The following IFT43 variants were observed in gnomAD, a reference collection of about 807,000 sequenced individuals.
IFT43 encodes intraflagellar transport 43.
In IFT43, 33 loss-of-function variants were observed where a neutral mutation model predicts 32.3. The ratio of observed to expected loss-of-function variants is 1.02; its 90% CI spans 0.77 to 1.37. IFT43 has a LOEUF of 1.37. Ranked by LOEUF, IFT43 falls within the 40% of genes most tolerant of loss-of-function variation. IFT43 has a pLI of 0.00. For synonymous variants in IFT43, 93 were observed against 98.2 expected (o/e 0.95, Z 0.31); for missense variants, 274 against 265.9 (o/e 1.03, Z -0.21).
intron 2 of IFT43, among the ~76,000 whole-genome samples, chr14:75,996,140 C>T (rs145274988): frequency 5.6e-4 from 85 of 152,328 alleles, no homozygotes; most frequent in African/African-American, 2.0e-3. Flanking sequence ...TAAGATTCTC[C>T]TCCTCGCCTA....
intron 3 of IFT43, among the ~76,000 whole-genome samples, chr14:76,045,673 A>G (rs2036794842): frequency 6.6e-6 from 1 of 152,142 alleles, no homozygotes; most frequent in South Asian, 2.1e-4. Flanking sequence ...TGGTTGTGGG[A>G]TGGCTGCTAT....
intron 2 of IFT43, among the ~76,000 whole-genome samples, chr14:76,005,358 A>T (rs2035961975): frequency 6.6e-6 from 1 of 152,002 alleles, no homozygotes; most frequent in Non-Finnish European, 1.5e-5. Flanking sequence ...CATGGTCTTT[A>T]CTCCTCAGAT....
intron 3 of IFT43, among the ~76,000 whole-genome samples, chr14:76,026,221 A>G (rs1170571735): frequency 5.3e-5 from 8 of 152,324 alleles, no homozygotes; most frequent in East Asian, 1.9e-4. Flanking sequence ...CAAAACCACA[A>G]TGAGATACCA....
At chr14:76,010,942 G>A (rs1157428846) in intron 2 of IFT43, among the ~76,000 whole-genome samples, 1 of 147,382 alleles carries the variant, frequency 6.8e-6, no homozygotes, top group Non-Finnish European at 1.5e-5. Flanking sequence ...TCACTCTGTT[G>A]CCCAGGCTGG....
At position 76,059,312 on chromosome 14, in the gene IFT43, C is replaced by CT; in HGVS notation, c.249-9dup. ...ACTCATTTTTTGCTGTCCTTTTCTTCTTTTTTGGGGGCAGTTTCCGCCTCA... is the reference window on the plus strand; with the variant it reads ...ACTCATTTTTTGCTGTCCTTTTCTTCTTTTTTTGGGGGCAGTTTCCGCCTCA... On this transcript the variant is annotated splice_polypyrimidine_tract_variant and intron_variant, in intron 4 of 8. Coordinates refer to ENST00000314067, the MANE Select transcript of IFT43 (RefSeq NM_001102564.3). 1 of 1,613,952 alleles carries CT rather than the reference C, an allele frequency of 6.2e-7. No individual in the cohort carries two copies. Among genetic ancestry groups the CT allele is most frequent in the East Asian group, 2.2e-5 (1 of 44,880 alleles).
intron 2 of IFT43, among the ~76,000 whole-genome samples, chr14:76,004,115 T>G (rs1413437755): frequency 6.6e-6 from 1 of 152,176 alleles, no homozygotes; most frequent in Non-Finnish European, 1.5e-5. Flanking sequence ...CACTGAGAGA[T>G]ATTCTGCCTT....
chr14:76,069,847 G>A (rs1203718310), intron 5 of IFT43, among the ~76,000 whole-genome samples: 3 of 152,174 alleles, frequency 2.0e-5, no homozygotes, highest in African/African-American at 2.4e-5. Context: ...CCAGCTCTCA[G>A]GCACCTGGGC....
At position 75,994,365 on chromosome 14, in the gene IFT43, G is replaced by A. The variant is rs541574620; in HGVS notation, c.147+5388G>A. Among the ~76,000 whole-genome samples the A allele has an allele frequency of 1.2e-4, 19 of 152,250 alleles. No individual in the cohort carries two copies. In the South Asian group the frequency reaches 3.5e-3, roughly 28 times the overall value. ...TTCCTGCTCTGAGAGAAGAGGAAAAGTCTCTTTATTTGCTTGGTCATTCGA... is the reference window on the plus strand; with the variant it reads ...TTCCTGCTCTGAGAGAAGAGGAAAAATCTCTTTATTTGCTTGGTCATTCGA... On this transcript the variant is annotated intron_variant, in intron 2 of 8. Coordinates refer to ENST00000314067, the MANE Select transcript of IFT43 (RefSeq NM_001102564.3).
chr14:76,035,467 T>A (rs2036582123), intron 3 of IFT43, among the ~76,000 whole-genome samples: 1 of 152,146 alleles, frequency 6.6e-6, no homozygotes, highest in Admixed American at 6.6e-5. Context: ...CTCTCTCTCT[T>A]TTTTAATGGC....
intron 3 of IFT43, among the ~76,000 whole-genome samples, chr14:76,040,750 C>T (rs1198075248): frequency 1.3e-5 from 2 of 152,214 alleles, no homozygotes; most frequent in Non-Finnish European, 2.9e-5. Flanking sequence ...CATTTGGATA[C>T]TTTGCTTCCC....
rs961064358 is a variant in IFT43 at position 76,073,950 on chromosome 14, C to T, written c.296-8345C>T. Among the ~76,000 whole-genome samples, 3 of 152,164 alleles carry T rather than the reference C, an allele frequency of 2.0e-5. No homozygotes were observed. The South Asian group carries it at 6.2e-4, about 32-fold the overall frequency. The stretch of plus-strand genomic sequence containing the variant: ...AAATTCGATTCCGAGTGGCTGTGAT[C>T]AAAACCAGCTGGCTGTCACCAGCAG... On this transcript the variant is annotated intron_variant, in intron 5 of 8. Transcript: ENST00000314067.
At chr14:76,002,922 A>G (rs1391945328) in intron 2 of IFT43, among the ~76,000 whole-genome samples, 1 of 152,234 alleles carries the variant, frequency 6.6e-6, no homozygotes, top group Non-Finnish European at 1.5e-5. Context: ...GGAGATGTAG[A>G]GAGTGTGCTG....
intron 3 of IFT43, among the ~76,000 whole-genome samples, chr14:76,028,655 C>G (rs2036451430): frequency 6.6e-6 from 1 of 152,120 alleles, no homozygotes; most frequent in Non-Finnish European, 1.5e-5. Flanking sequence ...GTTCCCTCCT[C>G]TATGTCTATA....
At chr14:76,075,656 G>A (rs1221360517) in intron 5 of IFT43, among the ~76,000 whole-genome samples, 2 of 152,212 alleles carry the variant, frequency 1.3e-5, no homozygotes, top group Non-Finnish European at 2.9e-5. Context: ...TTGTAAATGA[G>A]GGGACATAGT....
intron 3 of IFT43, among the ~76,000 whole-genome samples, chr14:76,023,257 A>G (rs2036328210): frequency 6.6e-6 from 1 of 152,232 alleles, no homozygotes; most frequent in Non-Finnish European, 1.5e-5. Context: ...CATATGTAAC[A>G]GGAATGTTGC....
chr14:76,073,553 T>C (rs1211933441), intron 5 of IFT43, among the ~76,000 whole-genome samples: 4 of 152,180 alleles, frequency 2.6e-5, no homozygotes. Context: ...CTCTACCAGC[T>C]TTCTGAACAT....
intron 1 of IFT43, 86 bp downstream of exon 1, chr14:75,985,926 C>T: frequency 6.4e-7 from 1 of 1,566,536 alleles, no homozygotes; most frequent in Non-Finnish European, 8.6e-7. Flanking sequence ...TCTGAGGCGA[C>T]TCAGGGCGGC....
intron 2 of IFT43, among the ~76,000 whole-genome samples, chr14:76,016,370 C>T (rs1465134063): frequency 6.6e-6 from 1 of 152,118 alleles, no homozygotes; most frequent in Admixed American, 6.5e-5. Flanking sequence ...GCTAGAAATA[C>T]ATGGATTTAT....
At chr14:76,059,057 G>A (rs779518872) in intron 4 of IFT43, 89 of 1,425,742 alleles carry the variant, frequency 6.2e-5, no homozygotes, top group Non-Finnish European at 7.9e-5. Context: ...GTGAAGGTAG[G>A]GCCACCCAGT....
Sources: allele counts gnomAD v4.1 joint callset (sites outside exome capture counted in the v4.1 genomes callset), GRCh38; gene constraint gnomAD v4.1.1; transcripts MANE v1.5; gene names NCBI Gene and HGNC (gene_info 2026-07-23, HGNC 2026-07-21).